Variants in KCNQ3 observed in about 807,000 individuals in gnomAD.
KCNQ3 encodes the protein potassium voltage-gated channel subfamily Q member 3, also known as potassium voltage-gated channel subfamily KQT member 3.
A neutral mutation model predicts 92.5 loss-of-function variants in KCNQ3; 30 were observed. That is an observed-to-expected ratio of 0.32 (90% CI 0.24 to 0.44). KCNQ3 has a LOEUF of 0.44. Among genes scored for constraint, KCNQ3 ranks in the 20% least tolerant of loss-of-function variants. KCNQ3 has a pLI of 1.00. For synonymous variants in KCNQ3, 450 were observed against 468.8 expected (o/e 0.96, Z 0.52); for missense variants, 913 against 1,140.3 (o/e 0.80, Z 2.87).
At chr8:132,466,925 A>C (rs1822185637) in intron 1 of KCNQ3, among the ~76,000 whole-genome samples, 1 of 152,194 alleles carries the variant, frequency 6.6e-6, no homozygotes, top group Non-Finnish European at 1.5e-5. Context: ...AGAGAGAGCA[A>C]CTGTGTGGTA....
intron 1 of KCNQ3, among the ~76,000 whole-genome samples, chr8:132,452,702 C>T (rs1821849972): frequency 6.6e-6 from 1 of 152,216 alleles, no homozygotes; most frequent in South Asian, 2.1e-4. Flanking sequence ...TCTCTGCCTC[C>T]AAGCTGGGCA....
intron 1 of KCNQ3, among the ~76,000 whole-genome samples, chr8:132,348,939 C>T (rs962101625): frequency 6.6e-6 from 1 of 152,218 alleles, no homozygotes; most frequent in African/African-American, 2.4e-5. Context: ...CACCTGTACC[C>T]TCGGGGCCCA....
intron 1 of KCNQ3, among the ~76,000 whole-genome samples, chr8:132,187,879 ATGGTGGCGGTGGTGGTGGTGGTGATGG>A (rs879624149): frequency 0.27 from 30,164 of 112,020 alleles, 3,717 homozygotes; most frequent in African/African-American, 0.41. Flanking sequence ...GGTGATAGTG[ATGGTGGCGGTGGTGGTGGTGGTGATGG>A]TGGTGGTGGT....
At position 132,127,491 on chromosome 8, in the gene KCNQ3, C is replaced by A. The variant is rs539362734; in HGVS notation, c.*1771G>T. On this transcript the variant is annotated 3_prime_UTR_variant, in exon 15 of 15. Coordinates refer to ENST00000388996, the MANE Select transcript of KCNQ3 (RefSeq NM_004519.4). Reference sequence around the variant, plus strand: ...CTGAGGAAGTGATTCCTCTCTCCAACATAGTGCCAGACTCTCGTATTAGGA... The same window carrying A: ...CTGAGGAAGTGATTCCTCTCTCCAAAATAGTGCCAGACTCTCGTATTAGGA... 6.6e-6 allele frequency: 1 copy of A among 152,194 alleles called. No individual in the cohort carries two copies. The highest frequency in any genetic ancestry group is 2.4e-5 in the African/African-American group (1 of 41,450). The allele number at this position is 152,194 out of a possible 1,614,324, so 9.4% of individuals were successfully genotyped here. A position where few individuals can be genotyped will look rare whatever the true frequency, so the allele number is the denominator to read the frequency against.
At chr8:132,310,303 C>G (rs1373125935) in intron 1 of KCNQ3, among the ~76,000 whole-genome samples, 2 of 152,160 alleles carry the variant, frequency 1.3e-5, no homozygotes, top group Non-Finnish European at 2.9e-5. Flanking sequence ...AACCTCGGGT[C>G]CATCTCCATG....
chr8:132,316,928 G>T (rs1426751578), intron 1 of KCNQ3, among the ~76,000 whole-genome samples: 1 of 152,194 alleles, frequency 6.6e-6, no homozygotes, highest in African/African-American at 2.4e-5. Flanking sequence ...TTAATGAGAA[G>T]TAGAAGGACT....
intron 1 of KCNQ3, among the ~76,000 whole-genome samples, chr8:132,434,305 C>T (rs1821336451): frequency 6.6e-6 from 1 of 152,026 alleles, no homozygotes; most frequent in South Asian, 2.1e-4. Flanking sequence ...TCATCCATCT[C>T]CTCCTCTGTT....
chr8:132,434,491 A>T (rs1367546956), intron 1 of KCNQ3, among the ~76,000 whole-genome samples: 1 of 152,206 alleles, frequency 6.6e-6, no homozygotes, highest in African/African-American at 2.4e-5. Context: ...GGCACATAGT[A>T]GATGCTGGAA....
chr8:132,366,904 A>G (rs928402422), intron 1 of KCNQ3, among the ~76,000 whole-genome samples: 3 of 152,034 alleles, frequency 2.0e-5, no homozygotes, highest in Non-Finnish European at 4.4e-5. Flanking sequence ...TTGGACTGTA[A>G]TTTTCTATTT....
chr8:132,175,047 A>G (rs1192314656), intron 5 of KCNQ3, among the ~76,000 whole-genome samples: 1 of 152,254 alleles, frequency 6.6e-6, no homozygotes, highest in Admixed American at 6.5e-5. Flanking sequence ...GAGCAAAGAA[A>G]GCCTTCAGTG....
At chr8:132,172,724 C>T (rs1215380947) in intron 6 of KCNQ3, 31 bp from the exon 7 acceptor site, 9 of 1,508,728 alleles carry the variant, frequency 6.0e-6, no homozygotes, top group Non-Finnish European at 4.6e-6. Context: ...GCAGTCAGCC[C>T]CCAGCTAGAC....
intron 1 of KCNQ3, among the ~76,000 whole-genome samples, chr8:132,280,466 C>T (rs57366277): frequency 0.026 from 3,985 of 152,204 alleles, 193 homozygotes; most frequent in African/African-American, 0.09. Context: ...AGAGATGTGC[C>T]TCATTTTACA....
intron 1 of KCNQ3, among the ~76,000 whole-genome samples, chr8:132,474,275 T>C (rs1822357691): frequency 6.6e-6 from 1 of 152,144 alleles, no homozygotes. Flanking sequence ...ATACTATTCT[T>C]TGAGACTAAA....
intron 1 of KCNQ3, among the ~76,000 whole-genome samples, chr8:132,415,443 C>G (rs867317290): frequency 6.6e-6 from 1 of 152,226 alleles, no homozygotes; most frequent in African/African-American, 2.4e-5. Context: ...AGCTCTCTGA[C>G]TGCAGGAGCC....
intron 1 of KCNQ3, among the ~76,000 whole-genome samples, chr8:132,327,649 T>A (rs1407792331): frequency 3.3e-5 from 5 of 152,140 alleles, no homozygotes; most frequent in Admixed American, 3.3e-4. Context: ...CCCAGGACCC[T>A]GCAATTCCCT....
At position 132,178,201 on chromosome 8, in the gene KCNQ3, T is replaced by C. The variant is rs750182133; in HGVS notation, c.777+1956A>G. On this transcript the variant is annotated intron_variant, in intron 4 of 14. Coordinates refer to ENST00000388996, the MANE Select transcript of KCNQ3 (RefSeq NM_004519.4). ...AACTCAGCTCCATGGATACAGGTTA[T>C]GGCTGAACCCATAGGGGTTTTATTA... Among the ~76,000 whole-genome samples the C allele has an allele frequency of 2.6e-5, 4 of 152,322 alleles. No individual in the cohort carries two copies. The East Asian group carries it at 7.7e-4, about 29-fold the overall frequency.
At chr8:132,252,316 G>A (rs1392444821) in intron 1 of KCNQ3, among the ~76,000 whole-genome samples, 1 of 116,444 alleles carries the variant, frequency 8.6e-6, no homozygotes, top group Admixed American at 8.9e-5. Flanking sequence ...TCCTTCCAGT[G>A]GGTCATGGTC....
chr8:132,191,510 G>A (rs1244760919), intron 1 of KCNQ3, among the ~76,000 whole-genome samples: 1 of 150,474 alleles, frequency 6.6e-6, no homozygotes, highest in African/African-American at 2.4e-5. Context: ...ACATATATAT[G>A]TATCTCTCTC....
Position 132,140,195 on chromosome 8 carries a change from CAT to C in KCNQ3, c.1466-19_1466-18del. The C allele has an allele frequency of 6.3e-7, 1 of 1,589,022 alleles. No individual in the cohort carries two copies. Among genetic ancestry groups the C allele is most frequent in the Non-Finnish European group, 8.6e-7 (1 of 1,158,128 alleles). ...TCCCGGCATCTGGGAGGGAGACACACATATGAACGGCAGGCCACAGACCTGGA... is the reference window on the plus strand; with the variant it reads ...TCCCGGCATCTGGGAGGGAGACACACATGAACGGCAGGCCACAGACCTGGA... On this transcript the variant is annotated intron_variant, in intron 10 of 14. Transcript: ENST00000388996.
Sources: gnomAD v4.1 joint callset for allele counts (sites outside exome capture counted in the v4.1 genomes callset) on GRCh38, gnomAD v4.1.1 for gene constraint, MANE v1.5 for transcripts, NCBI Gene and HGNC (gene_info 2026-07-23, HGNC 2026-07-21) for gene names.